UBXN8: variants seen among roughly 807,000 people sequenced by gnomAD.
UBXN8 encodes the protein UBX domain protein 8.
In UBXN8, 27 loss-of-function variants were observed where a neutral mutation model predicts 32.1. The ratio of observed to expected loss-of-function variants is 0.84; its 90% CI spans 0.62 to 1.16. The LOEUF (loss-of-function observed/expected upper bound fraction) is 1.16, where lower values mean the gene tolerates loss of function less well. Ranked by LOEUF, UBXN8 falls within the 50% of genes most tolerant of loss-of-function variation. The pLI is 0.00. For missense variants in UBXN8, 306 were observed against 311.4 expected (o/e 0.98, Z 0.13); for synonymous variants, 109 against 111.8 (o/e 0.98, Z 0.16).
In UBXN8 at chr8:30,753,868, G is replaced by T. The variant is rs1361460485; in HGVS notation, c.282+763G>T. On this transcript the variant is annotated intron_variant, in intron 3 of 7. Transcript: ENST00000265616. ...CCTCACTGTCGCCTCAAATTCCTGGGTTCATGGGATCTTCCTGCCTCAGCT... is the reference window on the plus strand; with the variant it reads ...CCTCACTGTCGCCTCAAATTCCTGGTTTCATGGGATCTTCCTGCCTCAGCT... 2.0e-5 allele frequency among the ~76,000 whole-genome samples: 3 copies of T among 150,972 alleles called. No individual in the cohort carries two copies. The East Asian group carries it at 5.8e-4, about 29-fold the overall frequency.
intron 1 of UBXN8, among the ~76,000 whole-genome samples, chr8:30,745,360 G>A (rs1313698955): frequency 2.6e-5 from 4 of 152,160 alleles, no homozygotes; most frequent in African/African-American, 9.7e-5. Context: ...TGGTAAAGGG[G>A]AAATGGAAAG....
intron 1 of UBXN8, among the ~76,000 whole-genome samples, chr8:30,749,383 G>C (rs1805450532): frequency 8.4e-6 from 1 of 118,674 alleles, no homozygotes. Flanking sequence ...ACAGACTGAG[G>C]CTCCGTCTCA....
At chr8:30,729,170 T>G (rs1804889213), upstream of UBXN8, among the ~76,000 whole-genome samples, 1 of 152,232 alleles carries the variant, frequency 6.6e-6, no homozygotes, top group Non-Finnish European at 1.5e-5. Flanking sequence ...GGAGCATCCC[T>G]GCGGGGAACT....
rs1301761876 is a variant in UBXN8, at chr8:30,758,917, G to A, written c.529-1971G>A. 6.4e-5 allele frequency among the ~76,000 whole-genome samples: 8 copies of A among 124,678 alleles called. 1 individual carries two copies. Among genetic ancestry groups the A allele is most frequent in the East Asian group, 2.3e-4 (1 of 4,414 alleles). The allele number at this position is 124,678 out of a possible 152,430, so 81.8% of individuals were successfully genotyped here. ...TTGTTTTTTTTTTTTTTTTTGAGACGGAGTCTCGCTTTGTCACCCAGGCTG... is the reference window on the plus strand; with the variant it reads ...TTGTTTTTTTTTTTTTTTTTGAGACAGAGTCTCGCTTTGTCACCCAGGCTG... On this transcript the variant is annotated intron_variant, in intron 5 of 7. Transcript: ENST00000265616.
intron 6 of UBXN8, among the ~76,000 whole-genome samples, chr8:30,761,716 GA>G (rs151052975): frequency 2.7e-5 from 4 of 146,578 alleles, no homozygotes; most frequent in African/African-American, 5.0e-5. Flanking sequence ...CTACAAAAAG[GA>G]AAAAAAAAAG....
chr8:30,765,911 G>A (rs1281164189), intron 7 of UBXN8, among the ~76,000 whole-genome samples: 1 of 151,326 alleles, frequency 6.6e-6, no homozygotes. Context: ...TCTGAAGGCT[G>A]AGGCAGGAGA....
intron 2 of UBXN8, 71 bp downstream of exon 2, chr8:30,751,589 G>C (rs778371108): frequency 7.8e-7 from 1 of 1,274,162 alleles, no homozygotes; most frequent in African/African-American, 1.5e-5. Context: ...ACTTTGCACA[G>C]TAAGAGCCAT....
At chr8:30,744,133 C>T (rs1718895568), upstream of UBXN8, 2 of 1,557,350 alleles carry the variant, frequency 1.3e-6, no homozygotes, top group Non-Finnish European at 8.8e-7. Flanking sequence ...ACTTCCTTCC[C>T]GGAAAACGCG....
At chr8:30,741,814 C>A (rs898370036), upstream of UBXN8, among the ~76,000 whole-genome samples, 1 of 152,114 alleles carries the variant, frequency 6.6e-6, no homozygotes, top group Non-Finnish European at 1.5e-5. Flanking sequence ...TTCTGGTGGT[C>A]TTTGGTGGGG....
chr8:30,744,413 C>G, intron 1 of UBXN8, 136 bp downstream of exon 1: 1 of 808,402 alleles, frequency 1.2e-6, no homozygotes, highest in East Asian at 2.7e-5. Context: ...CGCCCCTGCC[C>G]CCCCACTTCC....
intron 6 of UBXN8, among the ~76,000 whole-genome samples, chr8:30,762,519 A>G (rs927846550): frequency 3.9e-5 from 6 of 152,134 alleles, no homozygotes; most frequent in Non-Finnish European, 7.3e-5. Flanking sequence ...CAGCCTCCTG[A>G]GTAGCTAAGA....
At chr8:30,744,021 C>A (rs1452325901), upstream of UBXN8, 5 of 648,532 alleles carry the variant, frequency 7.7e-6, no homozygotes, top group Non-Finnish European at 1.3e-5. Context: ...CAGACTATAA[C>A]TTTAAAACAC....
intron 1 of UBXN8, among the ~76,000 whole-genome samples, chr8:30,738,142 A>C (rs1366164393): frequency 1.3e-5 from 2 of 152,064 alleles, no homozygotes; most frequent in African/African-American, 4.8e-5. Context: ...CAAGAAAAGC[A>C]AAGGTTTCTT....
intron 1 of UBXN8, among the ~76,000 whole-genome samples, chr8:30,736,176 AATAACT>A (rs1440395816): frequency 2.0e-5 from 3 of 152,254 alleles, no homozygotes; most frequent in Non-Finnish European, 4.4e-5. Flanking sequence ...GGCAGAGAAC[AATAACT>A]ATAACTAAAC....
At position 30,744,195 on chromosome 8, in the gene UBXN8, T is replaced by C. The variant is rs1249269366; in HGVS notation, c.6T>C (p.Ala2=). 16 of 1,613,238 alleles carry C rather than the reference T, an allele frequency of 9.9e-6. No homozygotes were observed. Among genetic ancestry groups the C allele is most frequent in the Non-Finnish European group, 1.2e-5 (14 of 1,179,618 alleles). ...CACCAGGCGCTTCCGCCACCATGGC[T>C]TCACGTGGGGTTGTTGGCATTTTCT... The part of the protein sequence containing the change: M[A]SRGVVGIFFL... The change falls in exon 1 of 8, where the codon GCT becomes GCC. Residue 2 remains alanine, a synonymous_variant. Coordinates refer to ENST00000265616, the MANE Select transcript of UBXN8 (RefSeq NM_005671.4).
At chr8:30,748,211 C>T (rs1355099806) in intron 1 of UBXN8, among the ~76,000 whole-genome samples, 6 of 151,400 alleles carry the variant, frequency 4.0e-5, no homozygotes, top group African/African-American at 9.7e-5. Context: ...CTGCAACTTC[C>T]GCCTTCTGGG....
intron 5 of UBXN8, among the ~76,000 whole-genome samples, chr8:30,758,879 TTG>T (rs1193925333): frequency 2.4e-5 from 3 of 125,920 alleles, no homozygotes; most frequent in African/African-American, 9.3e-5. Context: ...AATGTTTTTT[TTG>T]TTTGTTTTTT....
intron 5 of UBXN8, among the ~76,000 whole-genome samples, chr8:30,757,722 A>G (rs1014681770): frequency 6.7e-6 from 1 of 149,710 alleles, no homozygotes; most frequent in Non-Finnish European, 1.5e-5. Context: ...AGCCAGGTGC[A>G]GTGGCAGGCG....
Position 30,754,657 on chromosome 8 carries a change from T to C in UBXN8, c.283-8T>C, listed in dbSNP as rs766718126. On this transcript the variant is annotated splice_polypyrimidine_tract_variant and splice_region_variant and intron_variant, in intron 3 of 7. Transcript: ENST00000265616. Reference sequence around the variant, plus strand: ...TAGTAACAACACCTAATTTGTTGTTTTCAACAGGCCAGCAGATACATAGAG... The same window carrying C: ...TAGTAACAACACCTAATTTGTTGTTCTCAACAGGCCAGCAGATACATAGAG... The C allele has an allele frequency of 1.3e-6, 2 of 1,539,022 alleles. No individual in the cohort carries two copies.
Sources: gnomAD v4.1 joint callset for allele counts (sites outside exome capture counted in the v4.1 genomes callset) on GRCh38, gnomAD v4.1.1 for gene constraint, MANE v1.5 for transcripts, NCBI Gene and HGNC (gene_info 2026-07-23, HGNC 2026-07-21) for gene names.